Variants in DENND5B observed in about 807,000 individuals in gnomAD.
DENND5B encodes DENN domain-containing protein 5B.
Under a neutral mutation model 140.6 loss-of-function variants are expected in DENND5B, and 34 were observed. The ratio of observed to expected loss-of-function variants is 0.24; its 90% CI spans 0.18 to 0.32. The LOEUF (loss-of-function observed/expected upper bound fraction) is 0.32, where lower values mean the gene tolerates loss of function less well. Among genes scored for constraint, DENND5B ranks in the 10% least tolerant of loss-of-function variants. DENND5B has a pLI of 1.00. For synonymous variants in DENND5B, 551 were observed against 562.1 expected (o/e 0.98, Z 0.28); for missense variants, 1,142 against 1,560.2 (o/e 0.73, Z 4.52).
At chr12:31,551,011 T>C (rs572235524) in intron 1 of DENND5B, among the ~76,000 whole-genome samples, 72 of 152,302 alleles carry the variant, frequency 4.7e-4, no homozygotes, top group African/African-American at 1.5e-3. Flanking sequence ...ATTTTGTAGG[T>C]TGCCTGTTCA....
At chr12:31,429,771 A>G (rs1050740719) in intron 8 of DENND5B, among the ~76,000 whole-genome samples, 6 of 150,436 alleles carry the variant, frequency 4.0e-5, no homozygotes, top group African/African-American at 1.5e-4. Context: ...CAGTGGTGCA[A>G]TCTTGGCTCA....
chr12:31,505,140 C>A (rs1484347114), intron 1 of DENND5B, among the ~76,000 whole-genome samples: 1 of 152,110 alleles, frequency 6.6e-6, no homozygotes, highest in Non-Finnish European at 1.5e-5. Context: ...ATAATACTAA[C>A]CCCTGACTAT....
In DENND5B at chr12:31,385,498, G is replaced by T. The variant is rs1940812288; in HGVS notation, c.*2105C>A. 6.6e-6 allele frequency: 1 copy of T among 152,158 alleles called. No individual in the cohort carries two copies. Among genetic ancestry groups the T allele is most frequent in the Non-Finnish European group, 1.5e-5 (1 of 68,050 alleles). The allele number at this position is 152,158 out of a possible 1,614,324, so 9.4% of individuals were successfully genotyped here. A position where few individuals can be genotyped will look rare whatever the true frequency, so the allele number is the denominator to read the frequency against. On this transcript the variant is annotated 3_prime_UTR_variant, in exon 21 of 21. Coordinates refer to ENST00000389082, the MANE Select transcript of DENND5B (RefSeq NM_144973.4). ...GATACAAACATGAAATCCTGGGTTG[G>T]ACCCCTCTATAGTTTCTGATCACCA...
At chr12:31,429,433 A>T (rs1943410327) in intron 8 of DENND5B, among the ~76,000 whole-genome samples, 1 of 151,998 alleles carries the variant, frequency 6.6e-6, no homozygotes, top group African/African-American at 2.4e-5. Context: ...TCTTGAGACG[A>T]AGTCTCGTTC....
chr12:31,570,086 T>C (rs933184806), intron 1 of DENND5B, among the ~76,000 whole-genome samples: 1 of 150,630 alleles, frequency 6.6e-6, no homozygotes, highest in African/African-American at 2.4e-5. Context: ...TCCCAGCTAC[T>C]CAGGAGGCTG....
At chr12:31,478,739 T>G (rs1244747483) in intron 3 of DENND5B, among the ~76,000 whole-genome samples, 1 of 152,148 alleles carries the variant, frequency 6.6e-6, no homozygotes, top group Admixed American at 6.6e-5. Flanking sequence ...TAACCTTTTT[T>G]GAAGAATCTA....
intron 2 of DENND5B, among the ~76,000 whole-genome samples, chr12:31,486,250 T>C (rs1946301997): frequency 6.6e-6 from 1 of 152,200 alleles, no homozygotes; most frequent in African/African-American, 2.4e-5. Flanking sequence ...ACCCTAGTGC[T>C]TTCTGCCATG....
chr12:31,563,325 T>C (rs1032689049), intron 1 of DENND5B, among the ~76,000 whole-genome samples: 30 of 152,190 alleles, frequency 2.0e-4, no homozygotes, highest in African/African-American at 6.5e-4. Context: ...TCCTACTCTT[T>C]CTAAAATCTA....
At chr12:31,555,852 G>A (rs1388993918) in intron 1 of DENND5B, among the ~76,000 whole-genome samples, 2 of 152,160 alleles carry the variant, frequency 1.3e-5, no homozygotes, top group Non-Finnish European at 2.9e-5. Context: ...AGGACCCTCC[G>A]AGCCAGGTGC....
intron 7 of DENND5B, among the ~76,000 whole-genome samples, chr12:31,437,364 G>C (rs1943824912): frequency 6.6e-6 from 1 of 152,046 alleles, no homozygotes; most frequent in Admixed American, 6.5e-5. Flanking sequence ...TCGATCTCCT[G>C]ACCTCGTGAT....
In DENND5B at chr12:31,419,447, C is replaced by CA. The variant is rs71444401; in HGVS notation, c.2471-4000dup. Among the ~76,000 whole-genome samples, 185 of 131,554 alleles carry CA rather than the reference C, an allele frequency of 1.4e-3. 1 individual carries two copies. The highest frequency in any genetic ancestry group is 7.9e-3 in the Middle Eastern group (2 of 252). The allele number at this position is 131,554 out of a possible 152,430, so 86.3% of individuals were successfully genotyped here. ...ACAAGAGCGAGCGAAACTCCATCTC[C>CA]AAAAAAAAAAAAAGAATGAACACAA... On this transcript the variant is annotated intron_variant, in intron 11 of 20. Coordinates refer to ENST00000389082, the MANE Select transcript of DENND5B (RefSeq NM_144973.4).
chr12:31,462,909 G>A (rs1413377150), intron 3 of DENND5B, among the ~76,000 whole-genome samples: 1 of 149,872 alleles, frequency 6.7e-6, no homozygotes, highest in African/African-American at 2.5e-5. Context: ...CAGTGAGCCG[G>A]GATTGCACTA....
intron 1 of DENND5B, among the ~76,000 whole-genome samples, chr12:31,581,501 C>G (rs892526108): frequency 6.6e-6 from 1 of 151,900 alleles, no homozygotes; most frequent in Non-Finnish European, 1.5e-5. Flanking sequence ...CCAGCCTGAC[C>G]AACATGGTGA....
intron 8 of DENND5B, among the ~76,000 whole-genome samples, chr12:31,429,220 G>C (rs1439331123): frequency 6.6e-6 from 1 of 151,960 alleles, no homozygotes; most frequent in Non-Finnish European, 1.5e-5. Context: ...TGTTGGTCAG[G>C]CTGGTCTCAA....
chr12:31,587,525 CCTTTTTTTTTT>C lies in DENND5B; in HGVS notation c.127+3170_127+3180del, dbSNP rs1565723376. Among the ~76,000 whole-genome samples the C allele has an allele frequency of 1.9e-4, 25 of 130,602 alleles. 1 individual carries two copies. The highest frequency in any genetic ancestry group is 6.8e-4 in the African/African-American group (24 of 35,056). 85.7% of individuals were successfully genotyped at this position (130,602 alleles called of 152,430 possible). On this transcript the variant is annotated intron_variant, in intron 1 of 20. Transcript: ENST00000389082. ...CCAACAACTTCTCTCACCACAAATA[CCTTTTTTTTTT>C]TTTTTTTTTTTTTTTTTTTTTTTTT...
chr12:31,420,184 TG>T (rs1228892193), intron 11 of DENND5B: 2 of 539,166 alleles, frequency 3.7e-6, no homozygotes, highest in African/African-American at 2.1e-5. Context: ...TAGAGTGCAG[TG>T]GTGGGATCAC....
rs557549693 is a variant in DENND5B at position 31,470,986 on chromosome 12, T to G, written c.904+8603A>C. On this transcript the variant is annotated intron_variant, in intron 3 of 20. Transcript: ENST00000389082. The stretch of plus-strand genomic sequence containing the variant: ...AGAGATGAATCCACCTCCCAGGGAG[T>G]GGGATTCACTGGATATATAAGGAAA... 2.0e-5 allele frequency among the ~76,000 whole-genome samples: 3 copies of G among 151,778 alleles called. No homozygotes were observed. The East Asian group carries it at 5.8e-4, about 29-fold the overall frequency.
rs559421982 is a variant in DENND5B, at chr12:31,559,155, A to T, written c.127+31551T>A. 2.5e-3 allele frequency among the ~76,000 whole-genome samples: 378 copies of T among 152,280 alleles called. 11 individuals are homozygous for T. In the East Asian group the frequency reaches 0.056, roughly 22 times the overall value. The stretch of plus-strand genomic sequence containing the variant: ...AATTCTCATGGGAGAGTAGGGAAAA[A>T]CAGTCAGTCTTCGGTCTATTTTAGT... On this transcript the variant is annotated intron_variant, in intron 1 of 20. Coordinates refer to ENST00000389082, the MANE Select transcript of DENND5B (RefSeq NM_144973.4).
At chr12:31,484,072 T>C (rs1946192755) in intron 2 of DENND5B, among the ~76,000 whole-genome samples, 1 of 152,036 alleles carries the variant, frequency 6.6e-6, no homozygotes, top group South Asian at 2.1e-4. Context: ...CAGGCTGGTC[T>C]CAAACTCCTG....
Sources: allele counts gnomAD v4.1 joint callset (sites outside exome capture counted in the v4.1 genomes callset), GRCh38; gene constraint gnomAD v4.1.1; transcripts MANE v1.5; gene names NCBI Gene and HGNC (gene_info 2026-07-23, HGNC 2026-07-21).